TNRC6B: variants seen among roughly 807,000 people sequenced by gnomAD.
The protein encoded by TNRC6B is trinucleotide repeat containing adaptor 6B.
In TNRC6B, 52 loss-of-function variants were observed where a neutral mutation model predicts 203.6. The observed-to-expected ratio is 0.26, with a 90% confidence interval of 0.20 to 0.32. TNRC6B has a LOEUF of 0.32. Ranked by LOEUF, TNRC6B falls within the 10% of genes least tolerant of loss-of-function variation. TNRC6B has a pLI of 1.00. For missense variants in TNRC6B, 1,923 were observed against 2,286.2 expected (o/e 0.84, Z 3.24); for synonymous variants, 838 against 845.7 (o/e 0.99, Z 0.16).
chr22:40,232,629 C>G (rs1308058701), intron 1 of TNRC6B, among the ~76,000 whole-genome samples: 1 of 152,210 alleles, frequency 6.6e-6, no homozygotes, highest in East Asian at 1.9e-4. Flanking sequence ...AGGCACCATT[C>G]TAACCCTGAA....
rs1167594870 is a variant in TNRC6B, at chr22:40,310,889, C to A, written c.4331C>A (p.Thr1444Lys). Residue 1444 changes from threonine to lysine, a missense_variant, in exon 17 of 23, where the codon ACA (threonine) becomes AAA (lysine). Transcript: ENST00000454349. ...CAGTTTGATATCATCCCTGGTGACA[C>A]ACTGGGTGGCCATACGGGTCCTGCT... ...YNQFDIIPGD[T>K]LGGHTGPAGD... 2 of 1,612,184 alleles carry A rather than the reference C, an allele frequency of 1.2e-6. No homozygotes were observed. The highest frequency in any genetic ancestry group is 1.7e-6 in the Non-Finnish European group (2 of 1,179,330).
chr22:40,230,142 A>G lies in TNRC6B; in HGVS notation c.6-15873A>G, dbSNP rs906686985. Among the ~76,000 whole-genome samples, 4 of 152,286 alleles carry G rather than the reference A, an allele frequency of 2.6e-5. No homozygotes were observed. In the South Asian group the frequency reaches 6.2e-4, roughly 24 times the overall value. ...TTTTAATTTTGCACATTCTACAAGT[A>G]CATGTGTGTTGACATCTCATTGTGG... is the stretch of plus-strand genomic sequence containing the variant. On this transcript the variant is annotated intron_variant, in intron 1 of 22. Coordinates refer to ENST00000454349, the MANE Select transcript of TNRC6B (RefSeq NM_001162501.2).
intron 4 of TNRC6B, among the ~76,000 whole-genome samples, chr22:40,157,304 A>G (rs1335933625): frequency 2.6e-5 from 2 of 77,314 alleles, no homozygotes; most frequent in Non-Finnish European, 4.5e-5. Flanking sequence ...TGGGCCAGTG[A>G]TTATGGAATT....
chr22:40,312,150 C>T (rs1055535990), intron 17 of TNRC6B, among the ~76,000 whole-genome samples: 3 of 152,138 alleles, frequency 2.0e-5, no homozygotes, highest in South Asian at 2.1e-4. Flanking sequence ...ATATTTTCAC[C>T]GGTTCTTGGC....
chr22:40,178,697 C>G (rs557948921), intron 1 of TNRC6B, among the ~76,000 whole-genome samples: 17 of 152,206 alleles, frequency 1.1e-4, no homozygotes, highest in Middle Eastern at 3.4e-3. Context: ...CGGGTGAACA[C>G]CAGGAGGTTT....
intron 16 of TNRC6B, among the ~76,000 whole-genome samples, chr22:40,310,420 CCTT>C (rs1416249778): frequency 6.6e-6 from 1 of 152,222 alleles, no homozygotes; most frequent in African/African-American, 2.4e-5. Flanking sequence ...TTAGTTAAAA[CCTT>C]CTTATGTGCT....
At chr22:40,087,960 C>G (rs1478096945) in intron 1 of TNRC6B, among the ~76,000 whole-genome samples, 6 of 152,110 alleles carry the variant, frequency 3.9e-5, no homozygotes, top group Admixed American at 1.3e-4. Context: ...GCTGGGAACT[C>G]TGAGTTCAGC....
chr22:40,099,499 A>G (rs1311226805), intron 1 of TNRC6B, among the ~76,000 whole-genome samples: 2 of 152,174 alleles, frequency 1.3e-5, no homozygotes, highest in Non-Finnish European at 2.9e-5. Context: ...TTCTACATCC[A>G]TGACTCCAAT....
intron 1 of TNRC6B, among the ~76,000 whole-genome samples, chr22:40,225,765 A>G (rs969379718): frequency 6.6e-6 from 1 of 151,344 alleles, no homozygotes; most frequent in Admixed American, 6.6e-5. Flanking sequence ...AAAAAAAAAA[A>G]AAGAAGGAGA....
chr22:40,046,715 G>T (rs1365383659), intron 1 of TNRC6B, among the ~76,000 whole-genome samples: 2 of 149,874 alleles, frequency 1.3e-5, no homozygotes, highest in East Asian at 2.0e-4. Flanking sequence ...CACAATCTCG[G>T]CTCACTGCAA....
upstream of TNRC6B, among the ~76,000 whole-genome samples, chr22:40,176,581 A>G (rs141822009): frequency 5.3e-5 from 8 of 152,228 alleles, no homozygotes; most frequent in South Asian, 8.3e-4. Context: ...GCCCTTCTGA[A>G]TAGGGTCCAA....
At position 40,323,206 on chromosome 22, in the gene TNRC6B, G is replaced by A; in HGVS notation, c.5467G>A (p.Gly1823Ser). The A allele has an allele frequency of 6.2e-7, 1 of 1,613,284 alleles. No individual in the cohort carries two copies. The highest frequency in any genetic ancestry group is 8.5e-7 in the Non-Finnish European group (1 of 1,179,862). The change falls in exon 23 of 23, where the codon GGT becomes AGT. Residue 1823 changes from glycine to serine, a missense_variant. By Grantham distance (56) the Gly-to-Ser change is moderately conservative. Transcript: ENST00000454349. ...GGGCAGCCCTGCTCCTTTACTACCT[G>A]GTGACCTTCTGGGAGGAGGGTCGGA... ...RMGSPAPLLPGDLLGGGSDSI is the reference protein window; with the variant it reads ...RMGSPAPLLPSDLLGGGSDSI
intron 3 of TNRC6B, among the ~76,000 whole-genome samples, chr22:40,257,684 C>A (rs949622756): frequency 4.0e-5 from 6 of 151,826 alleles, no homozygotes; most frequent in Non-Finnish European, 8.8e-5. Flanking sequence ...CCACTGTACT[C>A]CAGCCTGGGC....
intron 3 of TNRC6B, among the ~76,000 whole-genome samples, chr22:40,138,497 C>G (rs1349664933): frequency 1.3e-5 from 2 of 152,132 alleles, no homozygotes; most frequent in African/African-American, 2.4e-5. Flanking sequence ...AATTCCTGAC[C>G]TCAGGTGATC....
At chr22:40,089,666 A>G (rs1001241630) in intron 1 of TNRC6B, among the ~76,000 whole-genome samples, 10 of 152,104 alleles carry the variant, frequency 6.6e-5, no homozygotes, top group African/African-American at 1.2e-4. Flanking sequence ...AGAAAGGTCT[A>G]TTTGTTATAA....
At chr22:40,160,045 G>A (rs1171198918) in intron 4 of TNRC6B, among the ~76,000 whole-genome samples, 1 of 151,994 alleles carries the variant, frequency 6.6e-6, no homozygotes, top group Non-Finnish European at 1.5e-5. Flanking sequence ...CCAGCTCCTG[G>A]GCCCAAGCAG....
At position 40,245,438 on chromosome 22, in the gene TNRC6B, AAAATAG is replaced by A. The variant is rs552353637; in HGVS notation, c.6-561_6-556del. 8.0e-3 allele frequency among the ~76,000 whole-genome samples: 1,224 copies of A among 152,244 alleles called. 9 individuals carry two copies. Among genetic ancestry groups the A allele is most frequent in the Middle Eastern group, 0.031 (9 of 294 alleles). On this transcript the variant is annotated intron_variant, in intron 1 of 22. Coordinates refer to ENST00000454349, the MANE Select transcript of TNRC6B (RefSeq NM_001162501.2). Reference sequence around the variant, plus strand: ...CACTCAGTGCCTGCCTTAAAAATAGAAAATAGAAATAGAAATAGAAAATATATAAAA... The same window carrying A: ...CACTCAGTGCCTGCCTTAAAAATAGAAAATAGAAATAGAAAATATATAAAA...
chr22:40,179,494 A>G (rs2069106540), intron 1 of TNRC6B, among the ~76,000 whole-genome samples: 1 of 152,250 alleles, frequency 6.6e-6, no homozygotes, highest in African/African-American at 2.4e-5. Context: ...GTTACAAAGT[A>G]TAGTTTAGAA....
intron 3 of TNRC6B, among the ~76,000 whole-genome samples, chr22:40,151,634 CA>C (rs2068756453): frequency 1.3e-5 from 2 of 148,738 alleles, no homozygotes; most frequent in Non-Finnish European, 3.0e-5. Context: ...GGAACAAGAA[CA>C]GGAGACTGGA....
Sources: allele counts gnomAD v4.1 joint callset (sites outside exome capture counted in the v4.1 genomes callset), GRCh38; gene constraint gnomAD v4.1.1; transcripts MANE v1.5; gene names NCBI Gene and HGNC (gene_info 2026-07-23, HGNC 2026-07-21).